WDR41: variants seen among roughly 807,000 people sequenced by gnomAD.
WDR41 encodes WD repeat domain 41.
In WDR41, 63 loss-of-function variants were observed where a neutral mutation model predicts 69.3. The ratio of observed to expected loss-of-function variants is 0.91; its 90% CI spans 0.74 to 1.12. The LOEUF is 1.12. WDR41 is among the 50% of genes most tolerant of loss of function. WDR41 has a pLI of 0.00. For synonymous variants in WDR41, 185 were observed against 192.1 expected, an observed-to-expected ratio of 0.96 and a Z score of 0.31; for missense variants, 543 against 534.5, an observed-to-expected ratio of 1.02 and a Z score of -0.16.
chr5:77,538,698 A>C (rs1194850361), intron 1 of WDR41, among the ~76,000 whole-genome samples: 1 of 152,202 alleles, frequency 6.6e-6, no homozygotes, highest in East Asian at 1.9e-4. Context: ...AAAAATGTAC[A>C]TTGAAGTCAG....
intron 10 of WDR41, 42 bp downstream of exon 10, chr5:77,438,198 T>G (rs1561726177): frequency 3.1e-6 from 5 of 1,611,854 alleles, no homozygotes; most frequent in Non-Finnish European, 4.2e-6. Flanking sequence ...CTGGGAACTG[T>G]GACTTGCTTT....
chr5:77,450,727 AAGATT>A (rs1250015058), intron 7 of WDR41, among the ~76,000 whole-genome samples: 1 of 152,184 alleles, frequency 6.6e-6, no homozygotes, highest in Non-Finnish European at 1.5e-5. Flanking sequence ...TGGATGCTCA[AAGATT>A]AGCATCACTA....
chr5:77,442,834 G>A (rs559569817), intron 8 of WDR41, among the ~76,000 whole-genome samples: 46 of 134,126 alleles, frequency 3.4e-4, no homozygotes, highest in Non-Finnish European at 4.3e-4. Flanking sequence ...GGAGCTTGCA[G>A]TAAGCCGAGA....
At chr5:77,590,384 T>C (rs1359915639) in intron 1 of WDR41, among the ~76,000 whole-genome samples, 2 of 152,168 alleles carry the variant, frequency 1.3e-5, no homozygotes, top group Non-Finnish European at 2.9e-5. Flanking sequence ...ATCGGAGTTA[T>C]TAAGACATAC....
chr5:77,484,919 G>A (rs956455980), intron 2 of WDR41, among the ~76,000 whole-genome samples: 2 of 152,190 alleles, frequency 1.3e-5, no homozygotes. Context: ...TAGTCACTGG[G>A]ATTTAAGCAA....
intron 8 of WDR41, among the ~76,000 whole-genome samples, chr5:77,447,031 A>C (rs1799412107): frequency 6.6e-6 from 1 of 152,236 alleles, no homozygotes. Context: ...CCATCTGACA[A>C]AGGTCGGTCT....
At chr5:77,594,159 G>C (rs979323257) in intron 1 of WDR41, among the ~76,000 whole-genome samples, 1 of 149,864 alleles carries the variant, frequency 6.7e-6, no homozygotes, top group Non-Finnish European at 1.5e-5. Context: ...GCAAACTATC[G>C]CAAGGACAAA....
chr5:77,491,970 G>A, intron 1 of WDR41, 200 bp downstream of exon 1: 1 of 606,400 alleles, frequency 1.6e-6, no homozygotes, highest in South Asian at 2.3e-5. Context: ...GGGTGCGCCT[G>A]GGGTCCCGCC....
intron 1 of WDR41, among the ~76,000 whole-genome samples, chr5:77,501,680 G>A (rs1802019751): frequency 6.6e-6 from 1 of 152,152 alleles, no homozygotes; most frequent in Non-Finnish European, 1.5e-5. Context: ...AGCTTCCAGA[G>A]GAAGGATCAG....
chr5:77,580,506 G>C (rs1023490034), intron 1 of WDR41, among the ~76,000 whole-genome samples: 1 of 151,910 alleles, frequency 6.6e-6, no homozygotes, highest in Non-Finnish European at 1.5e-5. Context: ...GGGACACAGA[G>C]CCAAACCAAA....
intron 1 of WDR41, among the ~76,000 whole-genome samples, chr5:77,555,367 G>T (rs1471424812): frequency 6.6e-6 from 1 of 152,180 alleles, no homozygotes; most frequent in Non-Finnish European, 1.5e-5. Flanking sequence ...GAAGGGCAGT[G>T]GCATGATCAC....
In WDR41 at chr5:77,593,555, G is replaced by A. The variant is rs867907717; in HGVS notation, c.42+26924C>T. On this transcript the variant is annotated intron_variant, in intron 1 of 5. Transcript: ENST00000509971. The stretch of plus-strand genomic sequence containing the variant: ...ATAATACATAAGAACACAAGAAAAT[G>A]TTTATAATATAGTAAATGTAAACAA... Among the ~76,000 whole-genome samples the A allele has an allele frequency of 2.6e-5, 4 of 152,218 alleles. No individual in the cohort carries two copies. The South Asian group carries it at 8.3e-4, about 32-fold the overall frequency.
intron 1 of WDR41, among the ~76,000 whole-genome samples, chr5:77,515,268 T>C (rs184563498): frequency 3.2e-4 from 49 of 152,330 alleles, no homozygotes; most frequent in African/African-American, 1.1e-3. Context: ...GTTTTACTTT[T>C]TAAATGTTTT....
At chr5:77,446,344 T>A (rs1799378663) in intron 8 of WDR41, among the ~76,000 whole-genome samples, 1 of 152,148 alleles carries the variant, frequency 6.6e-6, no homozygotes, top group African/African-American at 2.4e-5. Context: ...AATGGCCATA[T>A]TGCCTAAAGT....
At chr5:77,444,051 T>C (rs1324327627) in intron 8 of WDR41, among the ~76,000 whole-genome samples, 2 of 152,038 alleles carry the variant, frequency 1.3e-5, no homozygotes, top group African/African-American at 4.8e-5. Context: ...TGGCTAATTT[T>C]TGTATTTTTA....
At chr5:77,509,108 C>G (rs1802158163) in intron 1 of WDR41, among the ~76,000 whole-genome samples, 1 of 152,272 alleles carries the variant, frequency 6.6e-6, no homozygotes, top group Non-Finnish European at 1.5e-5. Flanking sequence ...GGTGAACTAG[C>G]TGGCCTATGA....
At chr5:77,602,347 T>C (rs1244709169) in intron 1 of WDR41, among the ~76,000 whole-genome samples, 1 of 152,084 alleles carries the variant, frequency 6.6e-6, no homozygotes, top group Non-Finnish European at 1.5e-5. Flanking sequence ...TCTATGCTGG[T>C]CAGGCTGGTC....
At chr5:77,596,513 T>A (rs568434298) in intron 1 of WDR41, among the ~76,000 whole-genome samples, 1 of 152,224 alleles carries the variant, frequency 6.6e-6, no homozygotes, top group African/African-American at 2.4e-5. Flanking sequence ...TTTTCAGTGC[T>A]TCATCAAAAA....
chr5:77,506,973 C>CATGT (rs1056360899), intron 1 of WDR41, among the ~76,000 whole-genome samples: 13 of 152,174 alleles, frequency 8.5e-5, no homozygotes, highest in Non-Finnish European at 1.9e-4. Context: ...CAACATGGCA[C>CATGT]ATGTATACCT....
Sources: allele counts gnomAD v4.1 joint callset (sites outside exome capture counted in the v4.1 genomes callset), GRCh38; gene constraint gnomAD v4.1.1; transcripts MANE v1.5; gene names NCBI Gene and HGNC (gene_info 2026-07-23, HGNC 2026-07-21).